AGRN: variants seen among roughly 807,000 people sequenced by gnomAD.
The protein encoded by AGRN is agrin.
In AGRN, 106 loss-of-function variants were observed where a neutral mutation model predicts 211.0. That is an observed-to-expected ratio of 0.50 (90% confidence interval 0.43 to 0.59). AGRN has a LOEUF of 0.59. AGRN is among the 20% of genes least tolerant of loss of function. AGRN has a pLI of 0.00. For missense variants in AGRN, 3,040 were observed against 2,982.6 expected, an observed-to-expected ratio of 1.02 and a Z score of -0.45; for synonymous variants, 1,525 against 1,332.5, an observed-to-expected ratio of 1.14 and a Z score of -3.15.
At chr1:1,030,569 A>G (rs146930886) in intron 2 of AGRN, among the ~76,000 whole-genome samples, 2,880 of 12,312 alleles carry the variant, frequency 0.23, 166 homozygotes, top group East Asian at 0.45. Context: ...AGAGATCAGC[A>G]TGTGTGTGTG....
At chr1:1,046,995 C>T in intron 19 of AGRN, 38 bp downstream of exon 19, 3 of 1,558,918 alleles carry the variant, frequency 1.9e-6, no homozygotes, top group Non-Finnish European at 2.6e-6. Flanking sequence ...GTGAGGATAG[C>T]CTGGGCTCGG....
At chr1:1,035,106 C>A in intron 2 of AGRN, 171 bp from the exon 3 acceptor site, 2 of 763,572 alleles carry the variant, frequency 2.6e-6, no homozygotes, top group Non-Finnish European at 4.5e-6. Context: ...CTGTCTCAGA[C>A]CTCAGCCAGC....
rs931062524 is a variant in AGRN at position 1,022,581 on chromosome 1, G to A, written c.463+119G>A. 4.0e-5 allele frequency: 37 copies of A among 916,046 alleles called. No individual in the cohort carries two copies. The African/African-American group carries it at 4.4e-4, about 11-fold the overall frequency. 56.7% of individuals were successfully genotyped at this position (916,046 alleles called of 1,614,324 possible). A position where few individuals can be genotyped will look rare whatever the true frequency, so the allele number is the denominator to read the frequency against. ...TGCTGTGCCGGAGGCTGCAGCACAC[G>A]GTGTCTTGTGGTCCAACCTCATTCT... On this transcript the variant is annotated intron_variant, in intron 2 of 35. Transcript: ENST00000379370.
chr1:1,043,957 C>A lies in AGRN; in HGVS notation c.1933C>A (p.Leu645Ile), dbSNP rs1368780460. 2.5e-6 allele frequency: 4 copies of A among 1,606,106 alleles called. No homozygotes were observed. The highest frequency in any genetic ancestry group is 3.4e-6 in the Non-Finnish European group (4 of 1,178,792). The change falls in exon 10 of 36, where the codon CTA (leucine) becomes ATA (isoleucine). Residue 645 changes from leucine (L) to isoleucine (I), a missense_variant. Leu to Ile is a conservative substitution (Grantham distance 5). Coordinates refer to ENST00000379370, the MANE Select transcript of AGRN (RefSeq NM_198576.4). ...DGVTYGSACE[L>I]REAACLQQTQ... ...TGTCACCTACGGCAGTGCCTGCGAGCTACGGGAAGCCGCCTGCCTCCAGCA... is the reference window on the plus strand; with the variant it reads ...TGTCACCTACGGCAGTGCCTGCGAGATACGGGAAGCCGCCTGCCTCCAGCA...
At chr1:1,047,949 C>A in intron 22 of AGRN, 54 bp downstream of exon 22, 1 of 1,584,174 alleles carries the variant, frequency 6.3e-7, no homozygotes, top group Non-Finnish European at 8.6e-7. Flanking sequence ...TGCCCATGCC[C>A]CTGCCCCTCA....
At position 1,048,773 on chromosome 1, in the gene AGRN, A is replaced by AG; in HGVS notation, c.4106-94_4106-93insG. 4.1e-6 allele frequency: 1 copy of AG among 246,342 alleles called. No individual in the cohort carries two copies. The highest frequency in any genetic ancestry group is 5.7e-6 in the Non-Finnish European group (1 of 175,302). 15.3% of individuals were successfully genotyped at this position (246,342 alleles called of 1,614,324 possible). ...AAAGAGCAAAACTCCGTCTCAAAAA[A>AG]AAAAAAAAAAAAAAAAGCAGGGGGC... is the stretch of plus-strand genomic sequence containing the variant. On this transcript the variant is annotated intron_variant, in intron 23 of 35. Coordinates refer to ENST00000379370, the MANE Select transcript of AGRN (RefSeq NM_198576.4). The surrounding 1 kb of genome is among the most constrained non-coding windows in gnomAD (Gnocchi z 5.9).
rs557551535 is a variant in AGRN at position 1,044,330 on chromosome 1, C to T, written c.2149-4C>T. 9 of 1,612,742 alleles carry T rather than the reference C, an allele frequency of 5.6e-6. No homozygotes were observed. In the African/African-American group the frequency reaches 6.7e-5, roughly 12 times the overall value. The stretch of plus-strand genomic sequence containing the variant: ...CGGCCGCTCACACTGACACCACCCT[C>T]CAGGTGTGCGGCTCAGATGGGGTCA... On this transcript the variant is annotated splice_polypyrimidine_tract_variant and splice_region_variant and intron_variant, in intron 11 of 35. Coordinates refer to ENST00000379370, the MANE Select transcript of AGRN (RefSeq NM_198576.4).
At position 1,043,811 on chromosome 1, in the gene AGRN, T is replaced by C; in HGVS notation, c.1799-12T>C. The C allele has an allele frequency of 6.2e-7, 1 of 1,610,226 alleles. No individual in the cohort carries two copies. Among genetic ancestry groups the C allele is most frequent in the Non-Finnish European group, 8.5e-7 (1 of 1,179,848 alleles). The stretch of plus-strand genomic sequence containing the variant: ...GGGCCTGCCGACCCCTGCCTGGCTC[T>C]GTCTCCTGCAGAGACCTGTGGAGAT... On this transcript the variant is annotated splice_polypyrimidine_tract_variant and intron_variant, in intron 9 of 35. Transcript: ENST00000379370.
Position 1,043,248 on chromosome 1 carries a change from C to T in AGRN, c.1394C>T (p.Pro465Leu), listed in dbSNP as rs116586548. ...SKHQGPCDQA[P>L]SPCLGVQCAF... ...CCTGTGTCCTTCCCAGACCAGGCCCCGTCCCCATGCCTCGGGGTGCAGTGT... is the reference window on the plus strand; with the variant it reads ...CCTGTGTCCTTCCCAGACCAGGCCCTGTCCCCATGCCTCGGGGTGCAGTGT... Residue 465 changes from proline (P) to leucine (L), a missense_variant, in exon 8 of 36, where the codon CCG (proline) becomes CTG (leucine). By Grantham distance (98) the Pro-to-Leu change is moderately conservative (BLOSUM62 -3). Transcript: ENST00000379370. The T allele has an allele frequency of 4.5e-4, 724 of 1,605,312 alleles. 4 individuals are homozygous for T. The African/African-American group carries it at 7.3e-3, about 16-fold the overall frequency.
intron 17 of AGRN, 50 bp from the exon 18 acceptor site, chr1:1,046,347 A>G (rs1239401701): frequency 1.9e-6 from 3 of 1,599,150 alleles, no homozygotes; most frequent in Non-Finnish European, 2.6e-6. Flanking sequence ...GCCCTGAGCC[A>G]CCTGACCCTG....
At chr1:1,053,248 C>T (rs1174932528) in intron 33 of AGRN, 2 of 335,786 alleles carry the variant, frequency 6.0e-6, no homozygotes, top group Non-Finnish European at 1.1e-5. Flanking sequence ...TGTCTCGTGT[C>T]TGCACGTGGG....
At chr1:1,024,635 C>T (rs531845736) in intron 2 of AGRN, among the ~76,000 whole-genome samples, 2 of 152,226 alleles carry the variant, frequency 1.3e-5, no homozygotes, top group African/African-American at 2.4e-5. Flanking sequence ...GCCCGGACAC[C>T]GCCTGAGGTG....
At chr1:1,042,297 C>T in intron 7 of AGRN, 135 bp downstream of exon 7, 1 of 1,172,016 alleles carries the variant, frequency 8.5e-7, no homozygotes, top group Non-Finnish European at 1.2e-6. Flanking sequence ...TGGGAAGGCT[C>T]TGGGGAGGGT....
chr1:1,046,241 A>C lies in AGRN; in HGVS notation c.2887A>C (p.Ile963Leu), dbSNP rs755615484. The change falls in exon 17 of 36, where the codon ATC (isoleucine) becomes CTC (leucine). Residue 963 changes from isoleucine (I) to leucine (L), a missense_variant. This residue lies in a region of AGRN where 1,498 missense variants were observed against 1,457.8 expected (regional missense o/e 1.03). Coordinates refer to ENST00000379370, the MANE Select transcript of AGRN (RefSeq NM_198576.4). The stretch of plus-strand genomic sequence containing the variant: ...CTGCCGCCAGGGCCTGCAAATCTCT[A>C]TCCAGAGCCTGGGCCCGTGCCAGGG... ...IACRQGLQIS[I>L]QSLGPCQEAV... is the part of the protein sequence containing the mutation. 6.2e-7 allele frequency: 1 copy of C among 1,613,372 alleles called. No homozygotes were observed. Among genetic ancestry groups the C allele is most frequent in the African/African-American group, 1.3e-5 (1 of 74,880 alleles).
Position 1,054,055 on chromosome 1 carries a change from T to C in AGRN, c.5876+78T>C, listed in dbSNP as rs971488137. 9 of 1,465,964 alleles carry C rather than the reference T, an allele frequency of 6.1e-6. No homozygotes were observed. In the African/African-American group the frequency reaches 9.8e-5, roughly 16 times the overall value. 90.8% of individuals were successfully genotyped at this position (1,465,964 alleles called of 1,614,324 possible). A position where few individuals can be genotyped will look rare whatever the true frequency, so the allele number is the denominator to read the frequency against. ...GCCCAGCTGGGCTGTGTCCAGTCAC[T>C]TGTGACCAGGGGTCAGGGAGGACAC... On this transcript the variant is annotated intron_variant, in intron 34 of 35. Transcript: ENST00000379370.
chr1:1,029,805 T>C (rs1644614717), intron 2 of AGRN, among the ~76,000 whole-genome samples: 1 of 86,442 alleles, frequency 1.2e-5, no homozygotes, highest in African/African-American at 4.3e-5. Context: ...ATGCAGTGCA[T>C]GGTGCTGTGT....
chr1:1,020,548 G>C (rs572325849), intron 1 of AGRN, among the ~76,000 whole-genome samples, 175 bp downstream of exon 1: 122 of 152,150 alleles, frequency 8.0e-4, no homozygotes, highest in African/African-American at 2.8e-3. Flanking sequence ...CGCGGGCGCC[G>C]GGGAAAGTTG....
Position 1,055,435 on chromosome 1 carries a change from C to T in AGRN, c.*454C>T, listed in dbSNP as rs1052031887. The T allele has an allele frequency of 1.2e-4, 36 of 296,620 alleles. No homozygotes were observed. The highest frequency in any genetic ancestry group is 7.0e-4 in the African/African-American group (32 of 45,700). The allele number at this position is 296,620 out of a possible 1,614,324, so 18.4% of individuals were successfully genotyped here. On this transcript the variant is annotated 3_prime_UTR_variant, in exon 36 of 36. Coordinates refer to ENST00000379370, the MANE Select transcript of AGRN (RefSeq NM_198576.4). Reference sequence around the variant, plus strand: ...CCTGTGTGTGCTCTGGGCCCTGCCTCGGCCTCCTGCGCCAATACTGTGACT... The same window carrying T: ...CCTGTGTGTGCTCTGGGCCCTGCCTTGGCCTCCTGCGCCAATACTGTGACT...
chr1:1,034,569 C>T (rs1217794480), intron 2 of AGRN: 2 of 986,416 alleles, frequency 2.0e-6, no homozygotes, highest in African/African-American at 3.5e-5. Flanking sequence ...CCTCCGCTGC[C>T]GCTGGCGCGG....
Sources: gnomAD v4.1 joint callset for allele counts (sites outside exome capture counted in the v4.1 genomes callset) on GRCh38, gnomAD v4.1.1 for gene constraint, gnomAD v4.1.1 regional missense constraint, Gnocchi (gnomAD v3.1) non-coding constraint, MANE v1.5 for transcripts, NCBI Gene and HGNC (gene_info 2026-07-23, HGNC 2026-07-21) for gene names.